CADM2: variants seen among roughly 807,000 people sequenced by gnomAD.
CADM2 encodes the protein cell adhesion molecule 2.
A neutral mutation model predicts 49.8 loss-of-function variants in CADM2; 12 were observed. The ratio of observed to expected loss-of-function variants is 0.24; its 90% CI spans 0.15 to 0.39. CADM2 has a LOEUF of 0.39. Among genes scored for constraint, CADM2 ranks in the 10% least tolerant of loss-of-function variants. The probability of loss-of-function intolerance (pLI) is 1.00; values close to 1 mark genes in which losing one functional copy is unlikely to be tolerated. For synonymous variants in CADM2, 214 were observed against 175.4 expected (o/e 1.22, Z -1.74); for missense variants, 378 against 492.3 (o/e 0.77, Z 2.20).
intron 1 of CADM2, among the ~76,000 whole-genome samples, chr3:85,493,825 A>G (rs1231567912): frequency 1.3e-5 from 2 of 152,208 alleles, no homozygotes; most frequent in East Asian, 3.9e-4. Context: ...TTGAAAGAAA[A>G]TGTCACTCAA....
chr3:84,999,171 A>ATTACTT (rs1344475956), intron 1 of CADM2, among the ~76,000 whole-genome samples: 2 of 152,132 alleles, frequency 1.3e-5, no homozygotes, highest in Non-Finnish European at 2.9e-5. Flanking sequence ...AGCTTTATGT[A>ATTACTT]GGGAATATAG....
intron 1 of CADM2, among the ~76,000 whole-genome samples, chr3:85,116,712 G>A (rs2038652318): frequency 6.6e-6 from 1 of 151,756 alleles, no homozygotes; most frequent in African/African-American, 2.4e-5. Context: ...TTTAATGTGA[G>A]GCCTGTCTTG....
At chr3:84,990,886 T>A (rs9815258) in intron 1 of CADM2, among the ~76,000 whole-genome samples, 46,299 of 151,962 alleles carry the variant, frequency 0.3, 7,426 homozygotes, top group Non-Finnish European at 0.34. Context: ...TAACATCATA[T>A]TGATTAGGTA....
intron 1 of CADM2, among the ~76,000 whole-genome samples, chr3:85,453,477 A>G (rs1559847902): frequency 6.6e-6 from 1 of 152,090 alleles, no homozygotes; most frequent in African/African-American, 2.4e-5. Context: ...ATAAACATGT[A>G]TTTTCCTATA....
intron 8 of CADM2, among the ~76,000 whole-genome samples, chr3:85,988,378 C>A (rs1160655099): frequency 6.6e-6 from 1 of 152,146 alleles, no homozygotes; most frequent in Non-Finnish European, 1.5e-5. Flanking sequence ...GCAGATTTTT[C>A]TGAATACCTT....
chr3:85,587,524 A>T (rs1490699921), intron 1 of CADM2, among the ~76,000 whole-genome samples: 3 of 152,010 alleles, frequency 2.0e-5, no homozygotes, highest in Admixed American at 2.0e-4. Context: ...CAATAGTAGA[A>T]TTCCTAGCGA....
At chr3:85,043,737 G>T (rs1576101578) in intron 1 of CADM2, among the ~76,000 whole-genome samples, 1 of 151,894 alleles carries the variant, frequency 6.6e-6, no homozygotes, top group Non-Finnish European at 1.5e-5. Flanking sequence ...TTCTCCTTAA[G>T]TCCCCAATAC....
chr3:85,968,538 GA>G (rs1559772767), intron 8 of CADM2, among the ~76,000 whole-genome samples: 1 of 151,420 alleles, frequency 6.6e-6, no homozygotes, highest in Non-Finnish European at 1.5e-5. Flanking sequence ...ATGTACATAG[GA>G]AAAAACCGTC....
chr3:84,964,616 C>T (rs2030828714), intron 1 of CADM2, among the ~76,000 whole-genome samples: 1 of 152,276 alleles, frequency 6.6e-6, no homozygotes, highest in Non-Finnish European at 1.5e-5. Flanking sequence ...AGGAGGCCGA[C>T]TCAAAACTGA....
chr3:85,323,754 A>T (rs1448769833), intron 1 of CADM2, among the ~76,000 whole-genome samples: 1 of 152,162 alleles, frequency 6.6e-6, no homozygotes, highest in Non-Finnish European at 1.5e-5. Flanking sequence ...AACATCTCTC[A>T]TCACGATGCT....
chr3:85,542,825 C>T (rs945119271), intron 1 of CADM2, among the ~76,000 whole-genome samples: 4 of 152,132 alleles, frequency 2.6e-5, no homozygotes, highest in Non-Finnish European at 5.9e-5. Flanking sequence ...AATATGTTAA[C>T]CCTAACGTCA....
intron 2 of CADM2, among the ~76,000 whole-genome samples, chr3:85,743,148 A>AT (rs971242461): frequency 1.6e-4 from 24 of 150,648 alleles, no homozygotes; most frequent in African/African-American, 4.4e-4. Context: ...TCTATTGCTG[A>AT]TTTTTTTTTC....
rs138456722 is a variant in CADM2 at position 85,078,882 on chromosome 3, G to T, written c.61+119214G>T. On this transcript the variant is annotated intron_variant, in intron 1 of 9. Transcript: ENST00000383699. The stretch of plus-strand genomic sequence containing the variant: ...CTTTATAATAAAGTTTAGGTAGTCT[G>T]CACTTCCAGGGTGTCTCATATAATA... Among the ~76,000 whole-genome samples, 370 of 151,750 alleles carry T rather than the reference G, an allele frequency of 2.4e-3. 1 individual carries two copies. The highest frequency in any genetic ancestry group is 8.8e-3 in the African/African-American group (363 of 41,476).
chr3:85,742,962 T>C (rs750808018), intron 2 of CADM2, among the ~76,000 whole-genome samples: 3 of 152,210 alleles, frequency 2.0e-5, no homozygotes, highest in Non-Finnish European at 2.9e-5. Flanking sequence ...TAGTTCTTTC[T>C]ACTAGGTGAT....
intron 1 of CADM2, among the ~76,000 whole-genome samples, chr3:85,191,741 C>T (rs1372177943): frequency 6.6e-6 from 1 of 152,126 alleles, no homozygotes; most frequent in African/African-American, 2.4e-5. Flanking sequence ...GGGCACAAAT[C>T]ATCCCTGAAT....
At chr3:85,025,753 A>G (rs769929991) in intron 1 of CADM2, among the ~76,000 whole-genome samples, 36 of 152,152 alleles carry the variant, frequency 2.4e-4, no homozygotes, top group Non-Finnish European at 4.0e-4. Flanking sequence ...TCAAATGATA[A>G]TAGACGGAGT....
At chr3:86,034,827 C>A (rs1038684602) in intron 8 of CADM2, among the ~76,000 whole-genome samples, 1 of 151,942 alleles carries the variant, frequency 6.6e-6, no homozygotes, top group African/African-American at 2.4e-5. Context: ...AATAGTGACA[C>A]CTTTCACTCT....
chr3:85,790,773 A>T (rs1463055620), intron 2 of CADM2, among the ~76,000 whole-genome samples: 20 of 152,080 alleles, frequency 1.3e-4, no homozygotes, highest in Non-Finnish European at 4.4e-5. Context: ...GCCTTGCAAG[A>T]CCCAGCTGCC....
chr3:85,957,434 GTTT>G (rs1291936800), intron 7 of CADM2, among the ~76,000 whole-genome samples: 1 of 150,164 alleles, frequency 6.7e-6, no homozygotes, highest in Non-Finnish European at 1.5e-5. Context: ...CTCCCTTTTT[GTTT>G]TTTATCTTCC....
Sources: allele counts gnomAD v4.1 joint callset (sites outside exome capture counted in the v4.1 genomes callset), GRCh38; gene constraint gnomAD v4.1.1; transcripts MANE v1.5; gene names NCBI Gene and HGNC (gene_info 2026-07-23, HGNC 2026-07-21).